Variants in DIAPH3 observed in about 807,000 individuals in gnomAD.
The protein encoded by DIAPH3 is diaphanous related formin 3, also known as protein diaphanous homolog 3.
Under a neutral mutation model 144.3 loss-of-function variants are expected in DIAPH3, and 117 were observed. That is an observed-to-expected ratio of 0.81 (90% confidence interval 0.70 to 0.95). The LOEUF (loss-of-function observed/expected upper bound fraction) is 0.95. Ranked by LOEUF, DIAPH3 falls within the 40% of genes least tolerant of loss-of-function variation. DIAPH3 has a pLI of 0.00. For missense variants in DIAPH3, 1,421 were observed against 1,412.7 expected (o/e 1.01, Z -0.09); for synonymous variants, 519 against 488.9 (o/e 1.06, Z -0.81).
At chr13:60,046,452 T>C (rs879740146) in intron 4 of DIAPH3, among the ~76,000 whole-genome samples, 3 of 152,144 alleles carry the variant, frequency 2.0e-5, no homozygotes, top group Non-Finnish European at 4.4e-5. Flanking sequence ...ACAATGGCGA[T>C]CATTAAAAAG....
Position 59,937,024 on chromosome 13 carries a change from G to A in DIAPH3, c.2075-12154C>T, listed in dbSNP as rs141674775. Among the ~76,000 whole-genome samples, 30 of 151,944 alleles carry A rather than the reference G, an allele frequency of 2.0e-4. No homozygotes were observed. In the East Asian group the frequency reaches 3.7e-3, roughly 19 times the overall value. On this transcript the variant is annotated intron_variant, in intron 17 of 27. Transcript: ENST00000400324. ...TAAAAATACAAAAAATTAGCTGGGC[G>A]TGGTGGCGGGTTCCTGTTGTCGCAG... is the stretch of plus-strand genomic sequence containing the variant.
intron 20 of DIAPH3, among the ~76,000 whole-genome samples, chr13:59,897,194 A>G (rs1002740007): frequency 4.6e-5 from 7 of 152,222 alleles, no homozygotes; most frequent in African/African-American, 1.7e-4. Flanking sequence ...GGAGTCAGAC[A>G]TTAGAAGCAC....
At chr13:60,135,883 G>A (rs1363248393) in intron 1 of DIAPH3, among the ~76,000 whole-genome samples, 1 of 152,080 alleles carries the variant, frequency 6.6e-6, no homozygotes, top group Non-Finnish European at 1.5e-5. Context: ...TACTTTAAAC[G>A]TGAATTAAAG....
At chr13:60,042,252 T>G (rs1220893110) in intron 5 of DIAPH3, among the ~76,000 whole-genome samples, 1 of 152,174 alleles carries the variant, frequency 6.6e-6, no homozygotes, top group African/African-American at 2.4e-5. Flanking sequence ...GTACTTTTAT[T>G]TGGTAAATAT....
At chr13:59,683,896 A>G (rs543923331) in intron 27 of DIAPH3, among the ~76,000 whole-genome samples, 2 of 152,290 alleles carry the variant, frequency 1.3e-5, no homozygotes, top group Admixed American at 1.3e-4. Context: ...GTCTGAAAGT[A>G]GGTCTTAATC....
At chr13:60,040,033 C>T (rs1329802765) in intron 5 of DIAPH3, among the ~76,000 whole-genome samples, 1 of 151,816 alleles carries the variant, frequency 6.6e-6, no homozygotes, top group Non-Finnish European at 1.5e-5. Flanking sequence ...GTCAGGAATT[C>T]AAGACCAGCC....
chr13:60,070,608 C>T (rs1422887309), intron 4 of DIAPH3, among the ~76,000 whole-genome samples: 1 of 152,082 alleles, frequency 6.6e-6, no homozygotes, highest in Non-Finnish European at 1.5e-5. Context: ...GGTGTCATTC[C>T]AACCTTACCC....
intron 25 of DIAPH3, among the ~76,000 whole-genome samples, chr13:59,791,624 T>G (rs538721130): frequency 2.0e-5 from 3 of 152,294 alleles, no homozygotes; most frequent in Non-Finnish European, 2.9e-5. Flanking sequence ...AATTGATAAC[T>G]ATTCAGATCC....
intron 21 of DIAPH3, among the ~76,000 whole-genome samples, chr13:59,863,134 A>G (rs199595840): frequency 2.6e-5 from 4 of 152,308 alleles, no homozygotes; most frequent in Admixed American, 1.3e-4. Context: ...TAAAACTTCA[A>G]CAATGATAAA....
chr13:59,891,989 C>T (rs1241868537), intron 20 of DIAPH3, among the ~76,000 whole-genome samples: 1 of 151,428 alleles, frequency 6.6e-6, no homozygotes, highest in African/African-American at 2.4e-5. Flanking sequence ...TGATTTAGGA[C>T]CTGAAGATTC....
At chr13:59,845,048 CCTTTTTTT>C (rs2042558484) in intron 22 of DIAPH3, among the ~76,000 whole-genome samples, 1 of 7,328 alleles carries the variant, frequency 1.4e-4, no homozygotes, top group Non-Finnish European at 2.8e-4. Context: ...TTTCCTTTTT[CCTTTTTTT>C]TCTTTTTGAG....
intron 27 of DIAPH3, among the ~76,000 whole-genome samples, chr13:59,740,239 C>T (rs2036382010): frequency 6.6e-6 from 1 of 152,136 alleles, no homozygotes. Flanking sequence ...ATATTTTAAG[C>T]ACCGCATTTA....
At chr13:60,158,309 C>A (rs1485350508) in intron 1 of DIAPH3, among the ~76,000 whole-genome samples, 3 of 152,222 alleles carry the variant, frequency 2.0e-5, no homozygotes, top group African/African-American at 7.2e-5. Flanking sequence ...AATTCCCCAG[C>A]AGATTTCTCC....
intron 22 of DIAPH3, among the ~76,000 whole-genome samples, chr13:59,852,844 T>C (rs553807677): frequency 3.3e-5 from 5 of 152,172 alleles, no homozygotes. Flanking sequence ...TACTAACACA[T>C]TATTCACATA....
intron 20 of DIAPH3, among the ~76,000 whole-genome samples, chr13:59,902,652 T>C (rs1300174689): frequency 2.0e-5 from 3 of 152,116 alleles, no homozygotes; most frequent in Non-Finnish European, 4.4e-5. Flanking sequence ...GGCGCACACC[T>C]GTAATCCTAG....
At chr13:60,115,705 T>C (rs1445347921) in intron 2 of DIAPH3, among the ~76,000 whole-genome samples, 1 of 152,170 alleles carries the variant, frequency 6.6e-6, no homozygotes, top group Non-Finnish European at 1.5e-5. Flanking sequence ...TGTAAATGTT[T>C]TATGGTATTA....
At chr13:59,840,993 T>C (rs1266562224) in intron 22 of DIAPH3, among the ~76,000 whole-genome samples, 4 of 152,210 alleles carry the variant, frequency 2.6e-5, no homozygotes, top group African/African-American at 4.8e-5. Context: ...CTCATAGTGG[T>C]AACATATATT....
chr13:59,697,006 G>C (rs1333829065), intron 27 of DIAPH3, among the ~76,000 whole-genome samples: 2 of 152,052 alleles, frequency 1.3e-5, no homozygotes, highest in Non-Finnish European at 2.9e-5. Context: ...TTTAACTTGA[G>C]TAGGAACTTG....
At chr13:60,022,469 AC>A (rs2054094139) in intron 5 of DIAPH3, among the ~76,000 whole-genome samples, 3 of 152,138 alleles carry the variant, frequency 2.0e-5, no homozygotes, top group African/African-American at 7.2e-5. Context: ...GGAGTTTAAA[AC>A]CACAAATATA....
Sources: gnomAD v4.1 joint callset for allele counts (sites outside exome capture counted in the v4.1 genomes callset) on GRCh38, gnomAD v4.1.1 for gene constraint, MANE v1.5 for transcripts, NCBI Gene and HGNC (gene_info 2026-07-23, HGNC 2026-07-21) for gene names.